ZNF19: variants seen among roughly 807,000 people sequenced by gnomAD.
ZNF19 encodes zinc finger protein 19.
A neutral mutation model predicts 13.1 loss-of-function variants in ZNF19; 11 were observed. The observed-to-expected ratio is 0.84, with a 90% CI of 0.53 to 1.39. The LOEUF (loss-of-function observed/expected upper bound fraction) is 1.39, where lower values mean the gene tolerates loss of function less well. Among genes scored for constraint, ZNF19 ranks in the 40% most tolerant of loss-of-function variants. The pLI is 0.00. For missense variants in ZNF19, 560 were observed against 547.0 expected (o/e 1.02, Z -0.24); for synonymous variants, 186 against 187.0 (o/e 0.99, Z 0.04).
chr16:71,483,151 C>T (rs1226316263), intron 2 of ZNF19, among the ~76,000 whole-genome samples: 1 of 152,248 alleles, frequency 6.6e-6, no homozygotes, highest in Non-Finnish European at 1.5e-5. Flanking sequence ...TCTTCCTTTA[C>T]TTGGACCTGG....
In ZNF19 at chr16:71,478,988, C is replaced by A. The variant is rs1321690984; in HGVS notation, c.51G>T (p.Glu17Asp). ...KAQYQEMVTF[E>D]DVAVHFTKTE... ...TCTTGGTGAAGTGCACAGCCACATCCTCGAAGGTCACCATCTCCTAAAACA... is the reference window on the plus strand; with the variant it reads ...TCTTGGTGAAGTGCACAGCCACATCATCGAAGGTCACCATCTCCTAAAACA... Residue 17 changes from glutamate (E) to aspartate (D), a missense_variant, in exon 4 of 6, where the codon GAG becomes GAT. Coordinates refer to ENST00000288177, the MANE Select transcript of ZNF19 (RefSeq NM_006961.4). The A allele has an allele frequency of 1.2e-6, 2 of 1,614,104 alleles. No homozygotes were observed. Among genetic ancestry groups the A allele is most frequent in the South Asian group, 2.2e-5 (2 of 91,088 alleles).
Position 71,475,665 on chromosome 16 carries a change from G to C in ZNF19, c.882C>G (p.Ile294Met). Residue 294 changes from isoleucine (I) to methionine (M), a missense_variant, in exon 6 of 6, where the codon ATC becomes ATG. Transcript: ENST00000288177. Reference protein sequence around the residue: ...GNSPLLRHQKIHTGEKPYECN... With the variant: ...GNSPLLRHQKMHTGEKPYECN... Reference sequence around the variant, plus strand: ...ACTCATAGGGTTTCTCTCCAGTGTGGATTTTCTGATGCCGAAGTAGGGGTG... The same window carrying C: ...ACTCATAGGGTTTCTCTCCAGTGTGCATTTTCTGATGCCGAAGTAGGGGTG... 1 of 1,612,520 alleles carries C rather than the reference G, an allele frequency of 6.2e-7. No individual in the cohort carries two copies. The highest frequency in any genetic ancestry group is 8.5e-7 in the Non-Finnish European group (1 of 1,178,916).
chr16:71,486,358 C>T (rs1018417098), intron 1 of ZNF19, among the ~76,000 whole-genome samples: 3 of 141,190 alleles, frequency 2.1e-5, no homozygotes, highest in African/African-American at 7.7e-5. Flanking sequence ...GAGACCCTGT[C>T]AAAAAAAAAA....
intron 2 of ZNF19, 36 bp from the exon 3 acceptor site, chr16:71,482,179 C>A (rs993340299): frequency 6.2e-6 from 10 of 1,604,176 alleles, no homozygotes; most frequent in Non-Finnish European, 8.5e-6. Context: ...ACAGTGAGCT[C>A]AGCCCAGTAA....
At chr16:71,479,826 C>T (rs1485420315) in intron 3 of ZNF19, among the ~76,000 whole-genome samples, 2 of 151,696 alleles carry the variant, frequency 1.3e-5, no homozygotes, top group Non-Finnish European at 2.9e-5. Flanking sequence ...CAGTGTCTTG[C>T]TCTGTCACCC....
Position 71,475,112 on chromosome 16 carries a change from C to A in ZNF19, c.*58G>T. 1 of 1,491,922 alleles carries A rather than the reference C, an allele frequency of 6.7e-7. No individual in the cohort carries two copies. The highest frequency in any genetic ancestry group is 1.4e-5 in the South Asian group (1 of 72,442). 92.4% of individuals were successfully genotyped at this position (1,491,922 alleles called of 1,614,324 possible). A position where few individuals can be genotyped will look rare whatever the true frequency, so the allele number is the denominator to read the frequency against. On this transcript the variant is annotated 3_prime_UTR_variant, in exon 6 of 6. Coordinates refer to ENST00000288177, the MANE Select transcript of ZNF19 (RefSeq NM_006961.4). ...GAGGCTGAGTCAGGCCTGTGTCACA[C>A]ATTCCATTCCTGAGTAGAAGACGGA...
In ZNF19 at chr16:71,475,401, C is replaced by T; in HGVS notation, c.1146G>A (p.Glu382=). 1 of 1,614,114 alleles carries T rather than the reference C, an allele frequency of 6.2e-7. No homozygotes were observed. The change falls in exon 6 of 6, where the codon GAG becomes GAA. Residue 382 remains glutamate (E), a synonymous_variant. Transcript: ENST00000288177. ...LKRHLRIHTQ[E]SSYVCDECGK... ...CACACTCATCACATACATAGGAAGA[C>T]TCCTGAGTATGAATTCTCAGATGCC... is the stretch of plus-strand genomic sequence containing the variant.
intron 3 of ZNF19, among the ~76,000 whole-genome samples, chr16:71,480,180 C>A (rs991493816): frequency 6.6e-6 from 1 of 152,138 alleles, no homozygotes; most frequent in Non-Finnish European, 1.5e-5. Context: ...GGTTTAGAGC[C>A]TCTATTCACT....
intron 1 of ZNF19, among the ~76,000 whole-genome samples, chr16:71,488,492 G>A (rs1193789333): frequency 2.0e-5 from 3 of 151,660 alleles, no homozygotes; most frequent in Non-Finnish European, 2.9e-5. Context: ...TACAAAACAA[G>A]CTCCTAAAAT....
chr16:71,480,400 T>G (rs575142379), intron 3 of ZNF19, among the ~76,000 whole-genome samples: 1 of 152,190 alleles, frequency 6.6e-6, no homozygotes. Context: ...ATAAACTAAG[T>G]GGCAGTGTGA....
At chr16:71,477,163 G>A (rs2043607942) in intron 5 of ZNF19, among the ~76,000 whole-genome samples, 1 of 152,238 alleles carries the variant, frequency 6.6e-6, no homozygotes, top group Admixed American at 6.5e-5. Context: ...GGACTCATGT[G>A]ATGGTTAATC....
intron 1 of ZNF19, 151 bp downstream of exon 1, chr16:71,489,121 A>C (rs1433500539): frequency 2.1e-6 from 1 of 467,294 alleles, no homozygotes; most frequent in Admixed American, 6.4e-5. Flanking sequence ...CTCCAAGAGC[A>C]AACAGCCCAG....
intron 1 of ZNF19, among the ~76,000 whole-genome samples, chr16:71,488,431 G>T (rs2043695925): frequency 6.6e-6 from 1 of 151,612 alleles, no homozygotes; most frequent in African/African-American, 2.4e-5. Flanking sequence ...GAACAAAACT[G>T]TTACTATCTG....
Position 71,475,268 on chromosome 16 carries a change from G to A in ZNF19, c.1279C>T (p.Gln427Ter), listed in dbSNP as rs368395546. 36 of 1,614,060 alleles carry A rather than the reference G, an allele frequency of 2.2e-5. No homozygotes were observed. Among genetic ancestry groups the A allele is most frequent in the Middle Eastern group, 1.6e-4 (1 of 6,082 alleles). The change falls in exon 6 of 6, where the codon CAG (glutamine) becomes TAG (stop). Residue 427 changes from glutamine (Q) to a stop codon, truncating the protein, a stop_gained. Coordinates refer to ENST00000288177, the MANE Select transcript of ZNF19 (RefSeq NM_006961.4). LOFTEE classifies it low-confidence loss of function (END_TRUNC). ...TAGACATGCTCAAGGTGACCTAGCT[G>A]GGAAGAAGTCCCAAAGGCCTTCTCA... ...KYEKAFGTSS[Q>*]LGHLEHVYSG...
rs906820108 is a variant in ZNF19 at position 71,484,608 on chromosome 16, G to A, written c.-49C>T. On this transcript the variant is annotated 5_prime_UTR_variant, in exon 2 of 6. Coordinates refer to ENST00000288177, the MANE Select transcript of ZNF19 (RefSeq NM_006961.4). ...ACTCACCTCAGGAAAAACAGAAAGCGGTGCGTGAACGGAAGTGCGTCACTA... is the reference window on the plus strand; with the variant it reads ...ACTCACCTCAGGAAAAACAGAAAGCAGTGCGTGAACGGAAGTGCGTCACTA... The A allele has an allele frequency of 1.0e-6, 1 of 985,454 alleles. No individual in the cohort carries two copies. The highest frequency in any genetic ancestry group is 1.2e-6 in the Non-Finnish European group (1 of 829,968). 61.0% of individuals were successfully genotyped at this position (985,454 alleles called of 1,614,324 possible).
chr16:71,483,625 G>T (rs1178658498), intron 2 of ZNF19, among the ~76,000 whole-genome samples: 1 of 152,128 alleles, frequency 6.6e-6, no homozygotes, highest in Non-Finnish European at 1.5e-5. Flanking sequence ...TCGCTCTACA[G>T]ACCAGGTCAG....
Position 71,476,071 on chromosome 16 carries a change from T to G in ZNF19, c.476A>C (p.Lys159Thr), listed in dbSNP as rs2043600787. The change falls in exon 6 of 6, where the codon AAA becomes ACA. Residue 159 changes from lysine to threonine, a missense_variant. Coordinates refer to ENST00000288177, the MANE Select transcript of ZNF19 (RefSeq NM_006961.4). ...CCCACACTCCTCACATATGAAAGGTTTCCTTGCACAGGGGATTCTTGGAAC... is the reference window on the plus strand; with the variant it reads ...CCCACACTCCTCACATATGAAAGGTGTCCTTGCACAGGGGATTCTTGGAAC... ...GKVPRIPCAR[K>T]PFICEECGKS... The G allele has an allele frequency of 6.2e-7, 1 of 1,614,172 alleles. No homozygotes were observed. The highest frequency in any genetic ancestry group is 2.2e-5 in the East Asian group (1 of 44,884).
Position 71,484,654 on chromosome 16 carries a change from T to A in ZNF19, c.-95A>T. 1 of 985,378 alleles carries A rather than the reference T, an allele frequency of 1.0e-6. No homozygotes were observed. Among genetic ancestry groups the A allele is most frequent in the Non-Finnish European group, 1.2e-6 (1 of 829,926 alleles). The allele number at this position is 985,378 out of a possible 1,614,324, so 61.0% of individuals were successfully genotyped here. ...CACTACTTTGGCCTTGCACCCAGGC[T>A]CACACGCGTACTCTCTAGGATGCCG... On this transcript the variant is annotated 5_prime_UTR_variant, in exon 2 of 6. Transcript: ENST00000288177.
chr16:71,486,885 G>A (rs2043682199), intron 1 of ZNF19, among the ~76,000 whole-genome samples: 1 of 152,120 alleles, frequency 6.6e-6, no homozygotes. Context: ...GAACCCGTAT[G>A]TTTACTTGGT....
Sources: gnomAD v4.1 joint callset for allele counts (sites outside exome capture counted in the v4.1 genomes callset) on GRCh38, gnomAD v4.1.1 for gene constraint, MANE v1.5 for transcripts, NCBI Gene and HGNC (gene_info 2026-07-23, HGNC 2026-07-21) for gene names.